Variants in NRXN1 observed in about 807,000 individuals in gnomAD.
NRXN1 encodes neurexin 1, also known as neurexin-1.
A neutral mutation model predicts 150.9 loss-of-function variants in NRXN1; 39 were observed. That is an observed-to-expected ratio of 0.26 (90% CI 0.20 to 0.34). NRXN1 has a LOEUF of 0.34. Among genes scored for constraint, NRXN1 ranks in the 10% least tolerant of loss-of-function variants. The probability of loss-of-function intolerance (pLI) is 1.00; values close to 1 mark genes in which losing one functional copy is unlikely to be tolerated. For synonymous variants in NRXN1, 924 were observed against 757.0 expected (o/e 1.22, Z -3.62); for missense variants, 1,815 against 1,949.9 (o/e 0.93, Z 1.30).
chr2:50,084,321 G>A (rs1380047628), intron 19 of NRXN1, among the ~76,000 whole-genome samples: 1 of 152,174 alleles, frequency 6.6e-6, no homozygotes. Flanking sequence ...GGAGGCTCAG[G>A]CATGGCGGAC....
intron 19 of NRXN1, among the ~76,000 whole-genome samples, chr2:50,084,494 C>T (rs35121803): frequency 0.31 from 47,525 of 151,986 alleles, 8,300 homozygotes; most frequent in African/African-American, 0.44. Flanking sequence ...GCCGGCCGGC[C>T]GCTGCAAGTG....
intron 18 of NRXN1, among the ~76,000 whole-genome samples, chr2:50,120,633 A>G (rs1040809348): frequency 3.3e-5 from 5 of 152,236 alleles, no homozygotes; most frequent in African/African-American, 1.2e-4. Context: ...ATATTTCATT[A>G]AAGTATAAAA....
intron 5 of NRXN1, among the ~76,000 whole-genome samples, chr2:50,757,142 T>C (rs1003654579): frequency 1.3e-5 from 2 of 151,860 alleles, no homozygotes; most frequent in African/African-American, 4.8e-5. Flanking sequence ...GCCTCTCAGT[T>C]GCGCAAAGAA....
chr2:50,724,019 T>G (rs1426803201), intron 5 of NRXN1, among the ~76,000 whole-genome samples: 3 of 152,246 alleles, frequency 2.0e-5, no homozygotes, highest in Non-Finnish European at 4.4e-5. Flanking sequence ...GAATGGAGCA[T>G]GCACAACATT....
At chr2:50,195,276 A>T (rs1318340406) in intron 18 of NRXN1, among the ~76,000 whole-genome samples, 1 of 152,152 alleles carries the variant, frequency 6.6e-6, no homozygotes, top group Non-Finnish European at 1.5e-5. Flanking sequence ...GATCACTTCA[A>T]AGATCAATTC....
chr2:50,106,574 C>T (rs556397061), intron 18 of NRXN1, among the ~76,000 whole-genome samples: 22 of 151,942 alleles, frequency 1.4e-4, no homozygotes, highest in African/African-American at 5.3e-4. Flanking sequence ...TAAGTTAGGG[C>T]CAAGATGAAC....
chr2:50,428,006 C>A (rs1281376571), intron 17 of NRXN1, among the ~76,000 whole-genome samples: 1 of 152,214 alleles, frequency 6.6e-6, no homozygotes, highest in Non-Finnish European at 1.5e-5. Context: ...GTCAGACTCA[C>A]TTTCATTTTC....
chr2:50,019,978 G>C (rs67594428), intron 21 of NRXN1, among the ~76,000 whole-genome samples: 3 of 85,554 alleles, frequency 3.5e-5, no homozygotes, highest in South Asian at 4.2e-4. Context: ...AAAAAAGAGA[G>C]AGAGAGAGAC....
Position 50,775,051 on chromosome 2 carries a change from C to A in NRXN1, c.832+146818G>T, listed in dbSNP as rs1703442227. Among the ~76,000 whole-genome samples the A allele has an allele frequency of 4.6e-5, 7 of 152,286 alleles. No individual in the cohort carries two copies. The South Asian group carries it at 1.4e-3, about 32-fold the overall frequency. ...AGAACTTTGCATTCCTACTGCTCTA[C>A]TCCATCCTTTGCTTTAAGCACAAAT... On this transcript the variant is annotated intron_variant, in intron 5 of 22. Transcript: ENST00000401669.
chr2:50,936,245 A>AT (rs1688527253), intron 2 of NRXN1, among the ~76,000 whole-genome samples: 1 of 152,198 alleles, frequency 6.6e-6, no homozygotes, highest in South Asian at 2.1e-4. Flanking sequence ...GTCATCTGAC[A>AT]TTTTAGCCCA....
chr2:50,922,197 C>T (rs1221198216), intron 4 of NRXN1, among the ~76,000 whole-genome samples: 1 of 151,830 alleles, frequency 6.6e-6, no homozygotes, highest in Non-Finnish European at 1.5e-5. Context: ...ACACTATACT[C>T]AGCATTCTAC....
At chr2:50,640,664 CT>C in intron 5 of NRXN1, among the ~76,000 whole-genome samples, 1 of 152,264 alleles carries the variant, frequency 6.6e-6, no homozygotes, top group African/African-American at 2.4e-5. Flanking sequence ...TACATACTGC[CT>C]TTGCAAAGGA....
intron 18 of NRXN1, among the ~76,000 whole-genome samples, chr2:50,138,355 A>T (rs1706728139): frequency 6.6e-6 from 1 of 151,644 alleles, no homozygotes; most frequent in Admixed American, 6.6e-5. Context: ...TTAAAAAAAC[A>T]ATCTTCCTAC....
intron 21 of NRXN1, among the ~76,000 whole-genome samples, chr2:49,950,499 T>A (rs1459384846): frequency 6.6e-6 from 1 of 152,028 alleles, no homozygotes; most frequent in Non-Finnish European, 1.5e-5. Context: ...TAGCATTTTC[T>A]GATAGGCATA....
chr2:51,020,283 C>A (rs993204251), intron 2 of NRXN1, among the ~76,000 whole-genome samples: 1 of 151,496 alleles, frequency 6.6e-6, no homozygotes, highest in Non-Finnish European at 1.5e-5. Flanking sequence ...AGAATTATAT[C>A]GTATGCACTC....
chr2:50,783,205 A>G (rs548026148), intron 5 of NRXN1, among the ~76,000 whole-genome samples: 41 of 152,268 alleles, frequency 2.7e-4, no homozygotes, highest in Admixed American at 5.9e-4. Flanking sequence ...CATCAGCTGA[A>G]CTTGAATTCC....
chr2:50,537,219 A>C (rs2093281702), intron 10 of NRXN1, among the ~76,000 whole-genome samples: 1 of 152,224 alleles, frequency 6.6e-6, no homozygotes, highest in South Asian at 2.1e-4. Flanking sequence ...ATAAATATTC[A>C]TAGCTTAAAA....
At chr2:50,209,160 G>C (rs2062829574) in intron 18 of NRXN1, among the ~76,000 whole-genome samples, 1 of 152,050 alleles carries the variant, frequency 6.6e-6, no homozygotes, top group African/African-American at 2.4e-5. Context: ...CACCCCTGGA[G>C]TACTCCACTT....
chr2:50,278,501 A>G (rs1435358968), intron 17 of NRXN1, among the ~76,000 whole-genome samples: 1 of 150,520 alleles, frequency 6.6e-6, no homozygotes, highest in Non-Finnish European at 1.5e-5. Context: ...TACCACTTCT[A>G]ATCTGAGTGA....
Sources: allele counts gnomAD v4.1 joint callset (sites outside exome capture counted in the v4.1 genomes callset), GRCh38; gene constraint gnomAD v4.1.1; transcripts MANE v1.5; gene names NCBI Gene and HGNC (gene_info 2026-07-23, HGNC 2026-07-21).